The following PDZRN4 variants were observed in gnomAD, a reference collection of about 807,000 sequenced individuals.
The protein encoded by PDZRN4 is PDZ domain containing ring finger 4, also known as PDZ domain-containing RING finger protein 4.
PDZRN4 carries 70 observed loss-of-function variants against 99.0 expected under a neutral mutation model. The observed-to-expected ratio is 0.71, with a 90% CI of 0.58 to 0.86. PDZRN4 has a LOEUF of 0.86. Among genes scored for constraint, PDZRN4 ranks in the 40% least tolerant of loss-of-function variants. PDZRN4 has a pLI of 0.00. For missense variants in PDZRN4, 1,474 were observed against 1,331.2 expected (o/e 1.11, Z -1.67); for synonymous variants, 551 against 501.6 (o/e 1.10, Z -1.32).
chr12:41,404,271 C>A (rs770203009), intron 3 of PDZRN4, among the ~76,000 whole-genome samples: 2 of 151,942 alleles, frequency 1.3e-5, no homozygotes, highest in Non-Finnish European at 2.9e-5. Context: ...CATAGAAATG[C>A]GAGTAGCATG....
At chr12:41,567,921 A>G (rs1948869955) in intron 9 of PDZRN4, 22 bp downstream of exon 9, 1 of 1,321,384 alleles carries the variant, frequency 7.6e-7, no homozygotes, top group Non-Finnish European at 1.1e-6. Flanking sequence ...AATTTGAACT[A>G]CATCATTTGA....
Position 41,390,854 on chromosome 12 carries a change from G to T in PDZRN4, c.844-115602G>T, listed in dbSNP as rs150475741. ...TGTCATTTATTTTAAAACAAAGAAG[G>T]AAGATACTATGAATAGTTTTATTTT... is the stretch of plus-strand genomic sequence containing the variant. On this transcript the variant is annotated intron_variant, in intron 3 of 9. Transcript: ENST00000402685. 6.2e-3 allele frequency among the ~76,000 whole-genome samples: 937 copies of T among 152,182 alleles called. 8 individuals carry two copies. Among genetic ancestry groups the T allele is most frequent in the South Asian group, 0.03 (144 of 4,824 alleles).
chr12:41,418,850 G>A (rs972746956), intron 3 of PDZRN4, among the ~76,000 whole-genome samples: 4 of 152,090 alleles, frequency 2.6e-5, no homozygotes, highest in Admixed American at 1.3e-4. Context: ...GTGTCAGCTG[G>A]GGGGTAACTG....
At chr12:41,356,495 A>G (rs748835987) in intron 3 of PDZRN4, among the ~76,000 whole-genome samples, 36 of 152,026 alleles carry the variant, frequency 2.4e-4, no homozygotes, top group South Asian at 4.1e-4. Context: ...TACATTGACA[A>G]GAAGAATTCT....
chr12:41,292,661 G>A (rs533984628), intron 3 of PDZRN4, among the ~76,000 whole-genome samples: 1 of 151,484 alleles, frequency 6.6e-6, no homozygotes, highest in African/African-American at 2.4e-5. Context: ...CTGGTAGCAT[G>A]AGACTTCTTT....
intron 9 of PDZRN4, among the ~76,000 whole-genome samples, chr12:41,570,244 C>T (rs979968757): frequency 2.6e-5 from 4 of 152,040 alleles, no homozygotes; most frequent in African/African-American, 9.7e-5. Context: ...AGTCCTTTGC[C>T]CTTATAAACA....
At chr12:41,518,952 A>G (rs904721039) in intron 5 of PDZRN4, among the ~76,000 whole-genome samples, 2 of 151,542 alleles carry the variant, frequency 1.3e-5, no homozygotes, top group Non-Finnish European at 2.9e-5. Context: ...CCAACTCTAT[A>G]TAAATAAATA....
intron 3 of PDZRN4, among the ~76,000 whole-genome samples, chr12:41,502,116 G>A (rs1265488138): frequency 6.6e-6 from 1 of 151,932 alleles, no homozygotes; most frequent in Non-Finnish European, 1.5e-5. Context: ...TGCATAATGT[G>A]TCTGCTTTTT....
chr12:41,293,039 C>T (rs996681969), intron 3 of PDZRN4, among the ~76,000 whole-genome samples: 2 of 151,258 alleles, frequency 1.3e-5, no homozygotes, highest in Non-Finnish European at 2.9e-5. Flanking sequence ...TCTGGCTGCT[C>T]ACTCTGGGTA....
chr12:41,227,526 G>A (rs1951002469), intron 3 of PDZRN4, among the ~76,000 whole-genome samples: 1 of 152,014 alleles, frequency 6.6e-6, no homozygotes, highest in Admixed American at 6.6e-5. Flanking sequence ...TTATCCAGGT[G>A]TGGTGGCACA....
intron 3 of PDZRN4, among the ~76,000 whole-genome samples, chr12:41,324,422 A>T (rs1007199843): frequency 1.3e-5 from 2 of 152,120 alleles, no homozygotes; most frequent in African/African-American, 4.8e-5. Flanking sequence ...GAGAAACATT[A>T]TGAAAGAGCA....
intron 3 of PDZRN4, among the ~76,000 whole-genome samples, chr12:41,357,684 A>C (rs1951937265): frequency 6.6e-6 from 1 of 152,008 alleles, no homozygotes; most frequent in Non-Finnish European, 1.5e-5. Context: ...GGCCTGCAAT[A>C]ATGCATGCAA....
At chr12:41,484,444 A>G (rs1592079549) in intron 3 of PDZRN4, among the ~76,000 whole-genome samples, 1 of 152,174 alleles carries the variant, frequency 6.6e-6, no homozygotes, top group Non-Finnish European at 1.5e-5. Context: ...TTCCTGAGCT[A>G]GCTATGTGAG....
At position 41,296,386 on chromosome 12, in the gene PDZRN4, G is replaced by T. The variant is rs578081156; in HGVS notation, c.843+102198G>T. Among the ~76,000 whole-genome samples the T allele has an allele frequency of 4.6e-5, 7 of 152,316 alleles. No individual in the cohort carries two copies. The East Asian group carries it at 1.3e-3, about 29-fold the overall frequency. On this transcript the variant is annotated intron_variant, in intron 3 of 9. Coordinates refer to ENST00000402685, the MANE Select transcript of PDZRN4 (RefSeq NM_001164595.2). ...TTTCTTGGCAACATTTTTGGGGGCT[G>T]CTCAAGGCATTTGGCTTGTTGACTT...
Position 41,572,747 on chromosome 12 carries a change from A to G in PDZRN4, c.1968A>G (p.Gln656=), listed in dbSNP as rs751615986. 2 of 1,614,164 alleles carry G rather than the reference A, an allele frequency of 1.2e-6. No individual in the cohort carries two copies. The highest frequency in any genetic ancestry group is 8.5e-7 in the Non-Finnish European group (1 of 1,180,008). ...YYSSSTIECN[Q]GEQEGVEHEL... is the part of the protein sequence containing the mutation. ...CAAGCAGCACAATTGAATGCAATCA[A>G]GGGGAGCAAGAGGGAGTGGAGCATG... is the stretch of plus-strand genomic sequence containing the variant. The change falls in exon 10 of 10, where the codon CAA becomes CAG. Residue 656 remains glutamine (Q), a synonymous_variant. Coordinates refer to ENST00000402685, the MANE Select transcript of PDZRN4 (RefSeq NM_001164595.2).
At chr12:41,365,827 T>A (rs1951995918) in intron 3 of PDZRN4, among the ~76,000 whole-genome samples, 5 of 152,118 alleles carry the variant, frequency 3.3e-5, no homozygotes, top group African/African-American at 1.2e-4. Flanking sequence ...TCACTCACTC[T>A]TGTAAAAGCT....
intron 3 of PDZRN4, among the ~76,000 whole-genome samples, chr12:41,465,412 TTTTTTC>T (rs1479516433): frequency 2.6e-5 from 4 of 152,210 alleles, no homozygotes; most frequent in Non-Finnish European, 1.5e-5. Context: ...TTTAAACTCT[TTTTTTC>T]TAAATCAAGA....
intron 3 of PDZRN4, among the ~76,000 whole-genome samples, chr12:41,439,397 T>C (rs539819088): frequency 6.6e-6 from 1 of 152,338 alleles, no homozygotes; most frequent in East Asian, 1.9e-4. Flanking sequence ...GTATTGTTTC[T>C]CTTTGGGTGG....
At chr12:41,287,148 C>A (rs1027640778) in intron 3 of PDZRN4, among the ~76,000 whole-genome samples, 2 of 152,118 alleles carry the variant, frequency 1.3e-5, no homozygotes, top group Admixed American at 1.3e-4. Context: ...TATAAAACTG[C>A]AATTTAAACT....
Sources: gnomAD v4.1 joint callset for allele counts (sites outside exome capture counted in the v4.1 genomes callset) on GRCh38, gnomAD v4.1.1 for gene constraint, MANE v1.5 for transcripts, NCBI Gene and HGNC (gene_info 2026-07-23, HGNC 2026-07-21) for gene names.